Variants in NAALADL2 observed in about 807,000 individuals in gnomAD.
NAALADL2 encodes the protein inactive N-acetylated-alpha-linked acidic dipeptidase-like protein 2.
In NAALADL2, 76 loss-of-function variants were observed where a neutral mutation model predicts 87.2. The ratio of observed to expected loss-of-function variants is 0.87; its 90% CI spans 0.72 to 1.05. The LOEUF (loss-of-function observed/expected upper bound fraction) is 1.05. Ranked by LOEUF, NAALADL2 falls within the 50% of genes least tolerant of loss-of-function variation. The pLI, the probability that NAALADL2 is intolerant of heterozygous loss-of-function variation, is 0.00. For synonymous variants in NAALADL2, 354 were observed against 331.0 expected (o/e 1.07, Z -0.75); for missense variants, 1,089 against 945.8 (o/e 1.15, Z -1.99).
At chr3:175,747,116 T>C (rs1746026881) in intron 12 of NAALADL2, among the ~76,000 whole-genome samples, 1 of 152,222 alleles carries the variant, frequency 6.6e-6, no homozygotes, top group Non-Finnish European at 1.5e-5. Context: ...TCAGAGTATG[T>C]CTTCAAAACT....
intron 2 of NAALADL2, among the ~76,000 whole-genome samples, chr3:174,581,167 A>G (rs1002806702): frequency 6.6e-6 from 1 of 152,208 alleles, no homozygotes; most frequent in Non-Finnish European, 1.5e-5. Flanking sequence ...TTCAATCATT[A>G]CACTGTTTTT....
At chr3:174,996,204 A>C (rs1372565205) in intron 1 of NAALADL2, among the ~76,000 whole-genome samples, 1 of 152,198 alleles carries the variant, frequency 6.6e-6, no homozygotes, top group Non-Finnish European at 1.5e-5. Flanking sequence ...TTTTCTAAAA[A>C]TGTACTGAAT....
intron 1 of NAALADL2, among the ~76,000 whole-genome samples, chr3:174,986,668 G>A (rs1211351220): frequency 6.6e-6 from 1 of 152,120 alleles, no homozygotes; most frequent in Non-Finnish European, 1.5e-5. Flanking sequence ...TGAGCTAGAT[G>A]TATTCCAATT....
intron 1 of NAALADL2, among the ~76,000 whole-genome samples, chr3:175,094,182 T>C (rs1375584245): frequency 6.6e-6 from 1 of 151,850 alleles, no homozygotes; most frequent in African/African-American, 2.4e-5. Context: ...GAAAAAAATC[T>C]AGAGAACTGC....
intron 7 of NAALADL2, among the ~76,000 whole-genome samples, chr3:175,466,486 G>A (rs2149277703): frequency 6.6e-6 from 1 of 152,194 alleles, no homozygotes; most frequent in Middle Eastern, 3.4e-3. Flanking sequence ...TTCACAGAAA[G>A]GAGAGGGCCT....
intron 4 of NAALADL2, among the ~76,000 whole-genome samples, chr3:175,306,796 A>G (rs1757779977): frequency 6.6e-6 from 1 of 152,200 alleles, no homozygotes; most frequent in Admixed American, 6.5e-5. Context: ...CAGTGAGCCA[A>G]GGTCATGCCA....
intron 2 of NAALADL2, among the ~76,000 whole-genome samples, chr3:175,182,769 G>A (rs1736784055): frequency 6.6e-6 from 1 of 151,292 alleles, no homozygotes; most frequent in African/African-American, 2.4e-5. Context: ...TTTTGCTTTT[G>A]TTACCTGAAC....
At chr3:174,583,278 T>G (rs1221674350) in intron 2 of NAALADL2, among the ~76,000 whole-genome samples, 1 of 152,214 alleles carries the variant, frequency 6.6e-6, no homozygotes, top group African/African-American at 2.4e-5. Context: ...CTGAATAATT[T>G]TTTTCCATTA....
At chr3:175,318,365 A>G (rs1188059095) in intron 4 of NAALADL2, among the ~76,000 whole-genome samples, 2 of 151,874 alleles carry the variant, frequency 1.3e-5, no homozygotes, top group Non-Finnish European at 2.9e-5. Flanking sequence ...AGAAAAAATG[A>G]TGGAACTTTT....
intron 9 of NAALADL2, among the ~76,000 whole-genome samples, chr3:175,505,045 G>C (rs1430173899): frequency 6.6e-6 from 1 of 152,074 alleles, no homozygotes; most frequent in Non-Finnish European, 1.5e-5. Context: ...GATCCCAGTG[G>C]CTTCCAATTC....
chr3:174,788,641 G>C (rs1470364055), intron 3 of NAALADL2, among the ~76,000 whole-genome samples: 1 of 152,060 alleles, frequency 6.6e-6, no homozygotes, highest in South Asian at 2.1e-4. Context: ...TCCAAATACA[G>C]TAACATTCTG....
At chr3:175,127,427 G>T (rs747469273) in intron 2 of NAALADL2, among the ~76,000 whole-genome samples, 4 of 152,082 alleles carry the variant, frequency 2.6e-5, no homozygotes, top group Non-Finnish European at 5.9e-5. Context: ...GGACTGACAT[G>T]GGACACCTTT....
chr3:175,667,247 A>AAG (rs1733298624), intron 11 of NAALADL2, among the ~76,000 whole-genome samples: 4 of 135,780 alleles, frequency 2.9e-5, no homozygotes, highest in Non-Finnish European at 4.6e-5. Flanking sequence ...AAGAAAAAGA[A>AAG]AGAAAGAAAG....
chr3:175,366,959 C>T (rs1387786778), intron 5 of NAALADL2, among the ~76,000 whole-genome samples: 1 of 151,498 alleles, frequency 6.6e-6, no homozygotes, highest in East Asian at 1.9e-4. Flanking sequence ...AATGGTAATG[C>T]CTAGGTTTTC....
intron 10 of NAALADL2, 30 bp from the exon 11 acceptor site, chr3:175,627,261 T>G (rs1348678391): frequency 2.0e-6 from 3 of 1,497,508 alleles, no homozygotes; most frequent in Non-Finnish European, 2.7e-6. Context: ...GATAAAGAGT[T>G]TTAAATGTTT....
chr3:175,558,608 G>A (rs575688960), intron 9 of NAALADL2, among the ~76,000 whole-genome samples: 1 of 152,272 alleles, frequency 6.6e-6, no homozygotes, highest in African/African-American at 2.4e-5. Flanking sequence ...TATATGGTGA[G>A]AGAAAGGGGT....
intron 6 of NAALADL2, among the ~76,000 whole-genome samples, chr3:175,461,090 CGCTGATTGGTGCATTTTTACAGAGT>C (rs1336603401): frequency 7.2e-5 from 11 of 151,920 alleles, no homozygotes; most frequent in Non-Finnish European, 1.5e-4. Flanking sequence ...AGATACAGAG[CGCTGATTGGTGCATTTTTACAGAGT>C]GCTGATTGGT....
intron 10 of NAALADL2, among the ~76,000 whole-genome samples, chr3:175,606,387 CTT>C: frequency 6.8e-6 from 1 of 147,500 alleles, no homozygotes; most frequent in African/African-American, 2.5e-5. Context: ...AGAAACTAGC[CTT>C]TTTTTTTTTG....
intron 2 of NAALADL2, among the ~76,000 whole-genome samples, chr3:174,668,835 G>C (rs1160371432): frequency 1.3e-5 from 2 of 152,110 alleles, no homozygotes; most frequent in Admixed American, 1.3e-4. Flanking sequence ...TGGACATTTG[G>C]GTTGGTTCCA....
Sources: gnomAD v4.1 joint callset for allele counts (sites outside exome capture counted in the v4.1 genomes callset) on GRCh38, gnomAD v4.1.1 for gene constraint, MANE v1.5 for transcripts, NCBI Gene and HGNC (gene_info 2026-07-23, HGNC 2026-07-21) for gene names.